SNX6: variants seen among roughly 807,000 people sequenced by gnomAD.
SNX6 encodes sorting nexin 6, also known as sorting nexin-6.
SNX6 carries 34 observed loss-of-function variants against 63.0 expected under a neutral mutation model. The observed-to-expected ratio is 0.54, with a 90% CI of 0.41 to 0.72. The LOEUF (loss-of-function observed/expected upper bound fraction) is 0.72. Ranked by LOEUF, SNX6 falls within the 30% of genes least tolerant of loss-of-function variation. The probability of loss-of-function intolerance (pLI) is 0.00; values close to 1 mark genes in which losing one functional copy is unlikely to be tolerated. For missense variants in SNX6, 398 were observed against 471.4 expected (o/e 0.84, Z 1.44); for synonymous variants, 170 against 164.2 (o/e 1.04, Z -0.27).
chr14:34,623,004 T>TG (rs142884736), intron 2 of SNX6, among the ~76,000 whole-genome samples: 15 of 152,312 alleles, frequency 9.8e-5, no homozygotes, highest in African/African-American at 3.1e-4. Context: ...CCCCTAAAGT[T>TG]GAACACTTTT....
chr14:34,567,798 A>C, intron 12 of SNX6, 27 bp from the exon 13 acceptor site: 1 of 1,611,920 alleles, frequency 6.2e-7, no homozygotes, highest in Non-Finnish European at 8.5e-7. Context: ...AGGATTATTT[A>C]ATTTACATAA....
At position 34,581,632 on chromosome 14, in the gene SNX6, C is replaced by T. The variant is rs540062261; in HGVS notation, c.795-32G>A. Reference sequence around the variant, plus strand: ...AGGAAAATATTTTCATCATATTCTACATTCAAAGTAATTTTCCATTTCAAA... The same window carrying T: ...AGGAAAATATTTTCATCATATTCTATATTCAAAGTAATTTTCCATTTCAAA... On this transcript the variant is annotated intron_variant, in intron 9 of 13. Transcript: ENST00000362031. The T allele has an allele frequency of 2.1e-5, 28 of 1,327,934 alleles. 1 individual carries two copies. The South Asian group carries it at 3.1e-4, about 15-fold the overall frequency. The allele number at this position is 1,327,934 out of a possible 1,614,324, so 82.3% of individuals were successfully genotyped here. A position where few individuals can be genotyped will look rare whatever the true frequency, so the allele number is the denominator to read the frequency against.
chr14:34,568,682 G>C, intron 11 of SNX6: 1 of 915,532 alleles, frequency 1.1e-6, no homozygotes, highest in South Asian at 1.3e-5. Context: ...ACCCAGCATG[G>C]TTTGTTCTAA....
intron 11 of SNX6, among the ~76,000 whole-genome samples, chr14:34,574,619 C>CAAA (rs33959613): frequency 5.6e-3 from 442 of 78,740 alleles, no homozygotes; most frequent in East Asian, 0.011. Flanking sequence ...GACTCCATCT[C>CAAA]AAAAAAAAAA....
chr14:34,587,785 C>T (rs2138309265), intron 8 of SNX6, among the ~76,000 whole-genome samples: 1 of 148,380 alleles, frequency 6.7e-6, no homozygotes, highest in Non-Finnish European at 1.5e-5. Context: ...GCACATGCCA[C>T]CACGGTTGGC....
intron 2 of SNX6, among the ~76,000 whole-genome samples, chr14:34,626,147 T>C (rs1883816396): frequency 6.6e-6 from 1 of 152,190 alleles, no homozygotes; most frequent in Non-Finnish European, 1.5e-5. Flanking sequence ...TGCCCACCTA[T>C]AATTTTATAA....
chr14:34,605,519 A>C, intron 5 of SNX6, 77 bp downstream of exon 5: 1 of 1,241,806 alleles, frequency 8.1e-7, no homozygotes, highest in Non-Finnish European at 1.1e-6. Flanking sequence ...ACACCAAAAA[A>C]GGCATTAAAG....
intron 11 of SNX6, chr14:34,569,005 T>C (rs1881320517): frequency 1.1e-5 from 16 of 1,468,440 alleles, no homozygotes; most frequent in Admixed American, 5.0e-5. Context: ...CTCTTTGTGC[T>C]TGGCCAGCAG....
intron 2 of SNX6, among the ~76,000 whole-genome samples, chr14:34,613,256 C>T (rs1883300646): frequency 6.6e-6 from 1 of 152,230 alleles, no homozygotes; most frequent in African/African-American, 2.4e-5. Flanking sequence ...CCTGACTTCT[C>T]TGACTTCAGC....
chr14:34,584,083 G>A (rs918049819), intron 9 of SNX6, among the ~76,000 whole-genome samples: 3 of 152,180 alleles, frequency 2.0e-5, no homozygotes, highest in East Asian at 3.9e-4. Context: ...CTGACCTCAG[G>A]TGATTCACCT....
At chr14:34,586,933 C>T (rs1233798787) in intron 8 of SNX6, among the ~76,000 whole-genome samples, 9 of 143,558 alleles carry the variant, frequency 6.3e-5, no homozygotes, top group African/African-American at 1.3e-4. Flanking sequence ...GGCGTGAACC[C>T]GGGAGGCGGA....
At chr14:34,625,317 T>G (rs1007169426) in intron 2 of SNX6, among the ~76,000 whole-genome samples, 2 of 152,112 alleles carry the variant, frequency 1.3e-5, no homozygotes. Context: ...ACAAACACAA[T>G]GTAAGGAAAT....
At chr14:34,586,624 T>A (rs1453102427) in intron 8 of SNX6, among the ~76,000 whole-genome samples, 1 of 151,856 alleles carries the variant, frequency 6.6e-6, no homozygotes, top group African/African-American at 2.4e-5. Context: ...AGGAGAATCA[T>A]CTGAACCCAG....
chr14:34,599,807 TTC>T (rs1263421681), intron 6 of SNX6, among the ~76,000 whole-genome samples: 1 of 151,042 alleles, frequency 6.6e-6, no homozygotes, highest in Non-Finnish European at 1.5e-5. Flanking sequence ...TCTCCAAAAT[TTC>T]TGTCTTCCCT....
chr14:34,610,696 ACTTATT>A (rs563150047), intron 2 of SNX6, among the ~76,000 whole-genome samples: 281 of 152,256 alleles, frequency 1.8e-3, no homozygotes, highest in African/African-American at 4.8e-3. Context: ...AGACTCTTCT[ACTTATT>A]AATTTTTAAA....
chr14:34,571,427 C>T (rs950478387), intron 11 of SNX6, among the ~76,000 whole-genome samples: 5 of 151,558 alleles, frequency 3.3e-5, no homozygotes, highest in African/African-American at 4.8e-5. Flanking sequence ...AGTGAGACTC[C>T]GTCTCAAAAA....
intron 6 of SNX6, among the ~76,000 whole-genome samples, chr14:34,600,418 C>T (rs1882764952): frequency 6.6e-6 from 1 of 151,750 alleles, no homozygotes; most frequent in South Asian, 2.1e-4. Context: ...AGCCACCGCA[C>T]CCGGCATTTT....
chr14:34,611,205 C>G (rs1270850614), intron 2 of SNX6, among the ~76,000 whole-genome samples: 1 of 145,914 alleles, frequency 6.9e-6, no homozygotes, highest in African/African-American at 2.5e-5. Flanking sequence ...GTTGGCCAGG[C>G]TGGTCTTGAA....
At chr14:34,605,237 A>C (rs992180643) in intron 5 of SNX6, among the ~76,000 whole-genome samples, 1 of 152,100 alleles carries the variant, frequency 6.6e-6, no homozygotes, top group African/African-American at 2.4e-5. Flanking sequence ...AAAAAAAAAA[A>C]CAATGACTAT....
Sources: allele counts gnomAD v4.1 joint callset (sites outside exome capture counted in the v4.1 genomes callset), GRCh38; gene constraint gnomAD v4.1.1; transcripts MANE v1.5; gene names NCBI Gene and HGNC (gene_info 2026-07-23, HGNC 2026-07-21).